The following CACNG5 variants were observed in gnomAD, a reference collection of about 807,000 sequenced individuals.
CACNG5 encodes the protein voltage-dependent calcium channel gamma-5 subunit.
CACNG5 carries 18 observed loss-of-function variants against 24.8 expected under a neutral mutation model. The ratio of observed to expected loss-of-function variants is 0.73; its 90% CI spans 0.50 to 1.08. The LOEUF (loss-of-function observed/expected upper bound fraction) is 1.08, where lower values mean the gene tolerates loss of function less well. Ranked by LOEUF, CACNG5 falls within the 50% of genes least tolerant of loss-of-function variation. The probability of loss-of-function intolerance (pLI) is 0.00; values close to 1 mark genes in which losing one functional copy is unlikely to be tolerated. For missense variants in CACNG5, 349 were observed against 367.9 expected, an observed-to-expected ratio of 0.95 and a Z score of 0.42; for synonymous variants, 157 against 149.1, an observed-to-expected ratio of 1.05 and a Z score of -0.39.
At chr17:66,845,473 A>C (rs1354425902) in intron 1 of CACNG5, among the ~76,000 whole-genome samples, 2 of 150,898 alleles carry the variant, frequency 1.3e-5, no homozygotes, top group Non-Finnish European at 3.0e-5. Flanking sequence ...AAAAAAAAAA[A>C]CAAAAAACTA....
intron 2 of CACNG5, 60 bp downstream of exon 2, chr17:66,877,588 C>G (rs1416354689): frequency 7.0e-7 from 1 of 1,436,384 alleles, no homozygotes; most frequent in Non-Finnish European, 9.7e-7. Context: ...CCCAAGAGGT[C>G]CCTCCCTGGG....
At chr17:66,871,603 T>C (rs985470014) in intron 1 of CACNG5, among the ~76,000 whole-genome samples, 2 of 152,206 alleles carry the variant, frequency 1.3e-5, no homozygotes, top group African/African-American at 4.8e-5. Context: ...TCATGGATGA[T>C]AATTAGCGAC....
At chr17:66,857,910 G>A (rs1976803642) in intron 1 of CACNG5, among the ~76,000 whole-genome samples, 1 of 152,084 alleles carries the variant, frequency 6.6e-6, no homozygotes, top group African/African-American at 2.4e-5. Flanking sequence ...CTCAGCATTG[G>A]GATTATTTTA....
At chr17:66,880,870 C>G (rs1325669894) in intron 4 of CACNG5, among the ~76,000 whole-genome samples, 173 bp downstream of exon 4, 1 of 152,196 alleles carries the variant, frequency 6.6e-6, no homozygotes, top group Admixed American at 6.5e-5. Flanking sequence ...TCCCAAGTAG[C>G]TGAGATTACA....
At chr17:66,855,918 T>C (rs1976769721) in intron 1 of CACNG5, among the ~76,000 whole-genome samples, 1 of 152,260 alleles carries the variant, frequency 6.6e-6, no homozygotes, top group Non-Finnish European at 1.5e-5. Flanking sequence ...CATCCCACAT[T>C]TTAAAAGATT....
At chr17:66,838,048 C>T (rs747570330) in intron 1 of CACNG5, among the ~76,000 whole-genome samples, 5 of 151,834 alleles carry the variant, frequency 3.3e-5, no homozygotes, top group Non-Finnish European at 7.4e-5. Flanking sequence ...TGCTGCTCTA[C>T]CCGCTGCTCA....
At chr17:66,851,941 G>A (rs575412019) in intron 1 of CACNG5, among the ~76,000 whole-genome samples, 23 of 152,368 alleles carry the variant, frequency 1.5e-4, no homozygotes, top group Non-Finnish European at 3.2e-4. Flanking sequence ...TTGGATAGCT[G>A]ATAAAGCATT....
chr17:66,876,127 T>G (rs1285901295), intron 1 of CACNG5, among the ~76,000 whole-genome samples: 1 of 152,224 alleles, frequency 6.6e-6, no homozygotes. Context: ...ACCAGCTGCA[T>G]GGTGATGCCT....
chr17:66,885,087 C>G lies in CACNG5; in HGVS notation c.675C>G (p.Ser225=), dbSNP rs780792006. 1.2e-6 allele frequency: 2 copies of G among 1,614,044 alleles called. No individual in the cohort carries two copies. Among genetic ancestry groups the G allele is most frequent in the South Asian group, 1.1e-5 (1 of 91,084 alleles). Residue 225 remains serine, a synonymous_variant, in exon 6 of 6, where the codon TCC becomes TCG. Coordinates refer to ENST00000533854, the MANE Select transcript of CACNG5 (RefSeq NM_145811.3). ...GFYRPRLSNC[S]DYSGQFLHPD... The stretch of plus-strand genomic sequence containing the variant: ...ACCGCCCTCGGCTGAGCAACTGCTC[C>G]GATTACTCAGGCCAGTTCCTACACC...
rs201783473 is a variant in CACNG5 at position 66,880,634 on chromosome 17, G to A, written c.361G>A (p.Gly121Arg). The change falls in exon 4 of 6, where the codon GGA becomes AGA. Residue 121 changes from glycine (G) to arginine (R), a missense_variant. By Grantham distance (125) the Gly-to-Arg change is moderately radical (BLOSUM62 -2). Transcript: ENST00000533854. The part of the protein sequence containing the change: ...MFIGFILNNI[G>R]HIRPHRTILA... ...CATTGGGTTTATCCTGAACAACATC[G>A]GACACATCCGTCCCCACCGGACGAT... is the stretch of plus-strand genomic sequence containing the variant. 85 of 1,614,024 alleles carry A rather than the reference G, an allele frequency of 5.3e-5. No homozygotes were observed. The highest frequency in any genetic ancestry group is 6.2e-5 in the Non-Finnish European group (73 of 1,180,004).
chr17:66,884,863 T>C (rs1252672003), intron 5 of CACNG5, 120 bp from the exon 6 acceptor site: 1 of 1,613,290 alleles, frequency 6.2e-7, no homozygotes, highest in African/African-American at 1.3e-5. Flanking sequence ...CCCAGGACCC[T>C]GCTCCTGTCC....
intron 1 of CACNG5, among the ~76,000 whole-genome samples, chr17:66,873,988 A>G (rs1977044386): frequency 1.4e-5 from 2 of 146,734 alleles, no homozygotes; most frequent in South Asian, 4.3e-4. Flanking sequence ...AGAATATTCC[A>G]TGGAATTATT....
intron 3 of CACNG5, 128 bp downstream of exon 3, chr17:66,879,186 TG>T: frequency 3.2e-6 from 2 of 622,714 alleles, no homozygotes; most frequent in Non-Finnish European, 5.6e-6. Context: ...TGTGCTGTCC[TG>T]TTAATTAGAG....
chr17:66,844,638 A>G (rs935536204), intron 1 of CACNG5, among the ~76,000 whole-genome samples: 5 of 152,200 alleles, frequency 3.3e-5, no homozygotes, highest in African/African-American at 9.7e-5. Flanking sequence ...TATAGACCAC[A>G]GTATCAGTGG....
At chr17:66,849,071 C>T (rs948893202) in intron 1 of CACNG5, among the ~76,000 whole-genome samples, 5 of 152,180 alleles carry the variant, frequency 3.3e-5, no homozygotes, top group African/African-American at 7.2e-5. Flanking sequence ...GGGAGTACCG[C>T]GGGGTTCACC....
chr17:66,841,341 A>G (rs1401988899), intron 1 of CACNG5, among the ~76,000 whole-genome samples: 1 of 152,214 alleles, frequency 6.6e-6, no homozygotes, highest in Non-Finnish European at 1.5e-5. Flanking sequence ...ATTGAATAGA[A>G]TGGGAGGCAA....
At chr17:66,855,508 T>A (rs1481325522) in intron 1 of CACNG5, among the ~76,000 whole-genome samples, 3 of 152,204 alleles carry the variant, frequency 2.0e-5, no homozygotes, top group Non-Finnish European at 4.4e-5. Context: ...ATTATGTCAT[T>A]AAATTAAAAA....
intron 1 of CACNG5, among the ~76,000 whole-genome samples, chr17:66,849,737 G>A (rs1446688167): frequency 6.6e-6 from 1 of 152,172 alleles, no homozygotes; most frequent in Non-Finnish European, 1.5e-5. Flanking sequence ...GATGGAAGGA[G>A]CCACGGAGGT....
intron 2 of CACNG5, among the ~76,000 whole-genome samples, 154 bp from the exon 3 acceptor site, chr17:66,878,818 A>G (rs994014191): frequency 2.6e-5 from 4 of 152,216 alleles, no homozygotes; most frequent in African/African-American, 9.6e-5. Flanking sequence ...GCTATGAGCC[A>G]GGGACAGGAC....
Sources: allele counts gnomAD v4.1 joint callset (sites outside exome capture counted in the v4.1 genomes callset), GRCh38; gene constraint gnomAD v4.1.1; transcripts MANE v1.5; gene names NCBI Gene and HGNC (gene_info 2026-07-23, HGNC 2026-07-21).